CSMD2: variants seen among roughly 807,000 people sequenced by gnomAD.
The protein encoded by CSMD2 is CUB and Sushi multiple domains 2.
Under a neutral mutation model 398.5 loss-of-function variants are expected in CSMD2, and 130 were observed. The observed-to-expected ratio is 0.33, with a 90% CI of 0.28 to 0.38. CSMD2 has a LOEUF of 0.38. Among genes scored for constraint, CSMD2 ranks in the 10% least tolerant of loss-of-function variants. The pLI is 1.00. For missense variants in CSMD2, 3,829 were observed against 4,764.9 expected (o/e 0.80, Z 5.78); for synonymous variants, 1,828 against 1,908.5 (o/e 0.96, Z 1.10).
intron 25 of CSMD2, among the ~76,000 whole-genome samples, chr1:33,679,771 C>T (rs563784462): frequency 1.3e-5 from 2 of 152,046 alleles, no homozygotes; most frequent in Non-Finnish European, 2.9e-5. Context: ...TCAATTTCTC[C>T]TCATATTTCT....
chr1:33,714,736 G>C lies in CSMD2; in HGVS notation c.3257C>G (p.Ala1086Gly), dbSNP rs1646108595. The change falls in exon 21 of 71, where the codon GCC becomes GGC. Residue 1086 changes from alanine to glycine, a missense_variant. Ala to Gly is a moderately conservative substitution (Grantham distance 60). Around this residue, in one of 5 missense-constraint regions of CSMD2, gnomAD observed 2,001 missense variants for 2,567.1 expected, o/e 0.78. Coordinates refer to ENST00000373381, the MANE Select transcript of CSMD2 (RefSeq NM_001281956.2). ...CTGCAAGCCCTTCCGGATGCTGTAG[G>C]CTGGGACCTCGGGCTCCTCACAGGG... ...LEPCEEPEVP[A>G]YSIRKGLQFG... 6.2e-7 allele frequency: 1 copy of C among 1,614,050 alleles called. No individual in the cohort carries two copies. The highest frequency in any genetic ancestry group is 1.1e-5 in the South Asian group (1 of 91,090).
intron 62 of CSMD2, among the ~76,000 whole-genome samples, chr1:33,534,515 C>A (rs1248116783): frequency 6.6e-6 from 1 of 152,152 alleles, no homozygotes; most frequent in Non-Finnish European, 1.5e-5. Flanking sequence ...TAACCCTCCA[C>A]CAGCCCCTCA....
intron 39 of CSMD2, among the ~76,000 whole-genome samples, chr1:33,615,161 C>T (rs1016904245): frequency 3.3e-5 from 5 of 152,252 alleles, no homozygotes; most frequent in African/African-American, 1.2e-4. Flanking sequence ...AGAAAAGTGA[C>T]GGTGATCAGC....
chr1:33,852,558 C>T (rs1638789741), intron 5 of CSMD2, among the ~76,000 whole-genome samples: 2 of 152,362 alleles, frequency 1.3e-5, no homozygotes, highest in South Asian at 4.1e-4. Flanking sequence ...ATCCTATAAA[C>T]CTAACTAAAT....
intron 10 of CSMD2, among the ~76,000 whole-genome samples, chr1:33,802,775 A>T (rs754264106): frequency 1.2e-4 from 18 of 151,636 alleles, no homozygotes; most frequent in Non-Finnish European, 2.2e-4. Context: ...TGGCCCTCTC[A>T]CTCCAGAATC....
intron 49 of CSMD2, among the ~76,000 whole-genome samples, chr1:33,574,967 G>A (rs1017519394): frequency 1.5e-4 from 23 of 152,312 alleles, no homozygotes; most frequent in African/African-American, 4.6e-4. Context: ...GGAAGTGGGC[G>A]GCAGCCACTT....
intron 15 of CSMD2, among the ~76,000 whole-genome samples, chr1:33,735,530 C>G (rs888835723): frequency 6.6e-6 from 1 of 152,272 alleles, no homozygotes; most frequent in South Asian, 2.1e-4. Context: ...CTTGGTCAAT[C>G]TAGCCCATTC....
chr1:33,535,974 A>ATTTG (rs58649396), intron 62 of CSMD2, among the ~76,000 whole-genome samples: 30,801 of 151,826 alleles, frequency 0.2, 3,275 homozygotes, highest in East Asian at 0.35. Flanking sequence ...TCGTTTATTT[A>ATTTG]TTTATCATCT....
In CSMD2 at chr1:33,931,192, GT is replaced by G. The variant is rs551092949; in HGVS notation, c.712+4567del. 5.1e-4 allele frequency among the ~76,000 whole-genome samples: 78 copies of G among 152,314 alleles called. 2 individuals are homozygous for G. In the South Asian group the frequency reaches 0.016, roughly 31 times the overall value. On this transcript the variant is annotated intron_variant, in intron 4 of 70. Transcript: ENST00000373381. The stretch of plus-strand genomic sequence containing the variant: ...TACGGACCACTGCCCAGTGGATGAG[GT>G]TTACCCACTCGCAGATGCCAGCTCT...
chr1:33,907,115 CTTTTTTTTT>C (rs59706894), intron 5 of CSMD2, among the ~76,000 whole-genome samples: 2 of 89,000 alleles, frequency 2.2e-5, no homozygotes, highest in Non-Finnish European at 4.2e-5. Context: ...TGATGATTAT[CTTTTTTTTT>C]TTTTTTTTTT....
chr1:33,581,415 T>C (rs544540173), intron 47 of CSMD2, among the ~76,000 whole-genome samples: 75 of 143,826 alleles, frequency 5.2e-4, no homozygotes, highest in Admixed American at 3.4e-3. Context: ...GGTGCATGCC[T>C]GTAGTCCCAG....
At chr1:34,117,474 T>G (rs943546619) in intron 1 of CSMD2, among the ~76,000 whole-genome samples, 2 of 151,890 alleles carry the variant, frequency 1.3e-5, no homozygotes, top group Non-Finnish European at 2.9e-5. Context: ...AAAAAACCTA[T>G]CTACAAAGAA....
intron 37 of CSMD2, among the ~76,000 whole-genome samples, chr1:33,619,350 G>A (rs1355029102): frequency 1.3e-5 from 2 of 152,190 alleles, no homozygotes; most frequent in African/African-American, 4.8e-5. Flanking sequence ...AGGAGCCCAC[G>A]TGTATCCAGT....
intron 5 of CSMD2, among the ~76,000 whole-genome samples, chr1:33,887,650 T>G (rs183769474): frequency 6.6e-6 from 1 of 152,316 alleles, no homozygotes; most frequent in Admixed American, 6.5e-5. Context: ...CTGTTTTTAT[T>G]GATCTGTAAT....
chr1:33,765,164 T>G (rs931078852), intron 13 of CSMD2, among the ~76,000 whole-genome samples: 1 of 152,096 alleles, frequency 6.6e-6, no homozygotes, highest in Non-Finnish European at 1.5e-5. Flanking sequence ...TTAACAGGAG[T>G]GCACATACAA....
At chr1:34,013,567 G>T (rs996977110) in intron 3 of CSMD2, among the ~76,000 whole-genome samples, 2 of 152,164 alleles carry the variant, frequency 1.3e-5, no homozygotes, top group Non-Finnish European at 2.9e-5. Context: ...GCCAGGGGCG[G>T]TACTGTTCTT....
chr1:33,809,661 C>T (rs1335079084), intron 10 of CSMD2, among the ~76,000 whole-genome samples: 2 of 151,848 alleles, frequency 1.3e-5, no homozygotes, highest in African/African-American at 4.8e-5. Context: ...TGATGTTATA[C>T]TGGGAGGTTC....
chr1:33,552,595 G>C (rs905536607), intron 55 of CSMD2, among the ~76,000 whole-genome samples: 2 of 152,230 alleles, frequency 1.3e-5, no homozygotes, highest in Admixed American at 1.3e-4. Flanking sequence ...CCATGAAATA[G>C]TATTTGGCCA....
intron 3 of CSMD2, among the ~76,000 whole-genome samples, chr1:33,987,681 A>G (rs10449236): frequency 0.33 from 50,289 of 151,882 alleles, 8,514 homozygotes; most frequent in Middle Eastern, 0.37. Flanking sequence ...TTCAAGTGAA[A>G]TTAAGTCCTA....
Sources: gnomAD v4.1 joint callset for allele counts (sites outside exome capture counted in the v4.1 genomes callset) on GRCh38, gnomAD v4.1.1 for gene constraint, gnomAD v4.1.1 regional missense constraint, MANE v1.5 for transcripts, NCBI Gene and HGNC (gene_info 2026-07-23, HGNC 2026-07-21) for gene names.